USP47: variants seen among roughly 807,000 people sequenced by gnomAD.
The protein encoded by USP47 is ubiquitin carboxyl-terminal hydrolase 47.
Under a neutral mutation model 165.1 loss-of-function variants are expected in USP47, and 35 were observed. The observed-to-expected ratio is 0.21, with a 90% confidence interval of 0.16 to 0.28. The LOEUF is 0.28. Ranked by LOEUF, USP47 falls within the 10% of genes least tolerant of loss-of-function variation. The pLI is 1.00. For synonymous variants in USP47, 531 were observed against 544.5 expected, an observed-to-expected ratio of 0.98 and a Z score of 0.35; for missense variants, 1,277 against 1,607.4, an observed-to-expected ratio of 0.79 and a Z score of 3.52.
At chr11:11,920,539 G>A (rs779787913) in intron 10 of USP47, 45 bp downstream of exon 10, 1 of 1,538,104 alleles carries the variant, frequency 6.5e-7, no homozygotes, top group South Asian at 1.3e-5. Flanking sequence ...ATCCACATTA[G>A]TCAGTCATGG....
At chr11:11,931,963 T>C (rs1172671608) in intron 14 of USP47, among the ~76,000 whole-genome samples, 1 of 152,170 alleles carries the variant, frequency 6.6e-6, no homozygotes, top group East Asian at 1.9e-4. Context: ...CCTCACAAAT[T>C]ATATCAGGCT....
intron 3 of USP47, among the ~76,000 whole-genome samples, chr11:11,887,218 G>T (rs1293681719): frequency 6.6e-6 from 1 of 152,070 alleles, no homozygotes; most frequent in African/African-American, 2.4e-5. Flanking sequence ...TATCAAATTT[G>T]CACATAATAT....
intron 11 of USP47, among the ~76,000 whole-genome samples, chr11:11,927,845 CACTTT>C (rs1854367519): frequency 6.6e-6 from 1 of 152,022 alleles, no homozygotes; most frequent in Non-Finnish European, 1.5e-5. Flanking sequence ...TGGATGAAGG[CACTTT>C]ACTTTCCTTC....
At chr11:11,861,690 A>C (rs1849396195) in intron 1 of USP47, among the ~76,000 whole-genome samples, 1 of 152,132 alleles carries the variant, frequency 6.6e-6, no homozygotes, top group Non-Finnish European at 1.5e-5. Context: ...AATGGAATGC[A>C]TTTACCTGAG....
intron 1 of USP47, among the ~76,000 whole-genome samples, chr11:11,862,967 A>G (rs1204005934): frequency 6.6e-6 from 1 of 152,146 alleles, no homozygotes; most frequent in African/African-American, 2.4e-5. Flanking sequence ...ATCTTTCATC[A>G]TCTACCCCCC....
At chr11:11,902,508 C>T (rs1852294035) in intron 5 of USP47, among the ~76,000 whole-genome samples, 3 of 151,968 alleles carry the variant, frequency 2.0e-5, no homozygotes, top group Admixed American at 2.0e-4. Context: ...CTTGTTATGC[C>T]TTTTCTTGTT....
At chr11:11,912,185 C>A in intron 8 of USP47, among the ~76,000 whole-genome samples, 1 of 150,768 alleles carries the variant, frequency 6.6e-6, no homozygotes, top group Non-Finnish European at 1.5e-5. Context: ...CAAAAGAAAC[C>A]CAAAGCAAGC....
chr11:11,961,197 T>A lies in USP47; in HGVS notation c.*5022T>A, dbSNP rs1052881482. Among the ~76,000 whole-genome samples the A allele has an allele frequency of 6.6e-6, 1 of 152,206 alleles. No homozygotes were observed. Among genetic ancestry groups the A allele is most frequent in the Non-Finnish European group, 1.5e-5 (1 of 68,044 alleles). Reference sequence around the variant, plus strand: ...ACCCTGTATCCTGTGATTATTTACCTGACAGGGCAAAAGAGATTTTGCAGA... The same window carrying A: ...ACCCTGTATCCTGTGATTATTTACCAGACAGGGCAAAAGAGATTTTGCAGA... On this transcript the variant is annotated 3_prime_UTR_variant, in exon 28 of 28. Coordinates refer to ENST00000527733, the MANE Select transcript of USP47 (RefSeq NM_001282659.2).
chr11:11,858,125 T>G (rs1268621104), intron 1 of USP47, among the ~76,000 whole-genome samples: 1 of 152,194 alleles, frequency 6.6e-6, no homozygotes, highest in Non-Finnish European at 1.5e-5. Context: ...ATTAGTGGAG[T>G]GTACTTTCGT....
chr11:11,890,620 G>C (rs1851450998), intron 3 of USP47, among the ~76,000 whole-genome samples: 1 of 152,146 alleles, frequency 6.6e-6, no homozygotes, highest in Non-Finnish European at 1.5e-5. Flanking sequence ...CAAAGACTTA[G>C]AGGCAGAAAT....
chr11:11,960,561 T>G lies in USP47; in HGVS notation c.*4386T>G, dbSNP rs1454307530. Among the ~76,000 whole-genome samples, 2 of 152,152 alleles carry G rather than the reference T, an allele frequency of 1.3e-5. No homozygotes were observed. Among genetic ancestry groups the G allele is most frequent in the Non-Finnish European group, 2.9e-5 (2 of 68,016 alleles). On this transcript the variant is annotated 3_prime_UTR_variant, in exon 28 of 28. Coordinates refer to ENST00000527733, the MANE Select transcript of USP47 (RefSeq NM_001282659.2). ...GTCTCAAAAAGTTCCCCTCAGAAGTTTCAGCCAAGGGAATAAAATCTAACC... is the reference window on the plus strand; with the variant it reads ...GTCTCAAAAAGTTCCCCTCAGAAGTGTCAGCCAAGGGAATAAAATCTAACC...
At chr11:11,950,052 T>G in intron 23 of USP47, 48 bp downstream of exon 23, 1 of 1,343,446 alleles carries the variant, frequency 7.4e-7, no homozygotes, top group South Asian at 1.2e-5. Context: ...GACTATGTGG[T>G]CAGTTGAAAT....
intron 4 of USP47, among the ~76,000 whole-genome samples, chr11:11,893,088 G>GT (rs1208545030): frequency 1.3e-5 from 2 of 151,978 alleles, no homozygotes; most frequent in Admixed American, 1.3e-4. Context: ...TTAAGCCTAT[G>GT]TTTTTTAATT....
intron 1 of USP47, among the ~76,000 whole-genome samples, chr11:11,855,638 C>T (rs906343731): frequency 1.3e-5 from 2 of 152,148 alleles, no homozygotes; most frequent in Non-Finnish European, 2.9e-5. Flanking sequence ...AAATCATGAA[C>T]CTCATTTACA....
chr11:11,952,743 G>T lies in USP47; in HGVS notation c.3586G>T (p.Val1196Leu), dbSNP rs201713726. 6.3e-7 allele frequency: 1 copy of T among 1,597,100 alleles called. No individual in the cohort carries two copies. The highest frequency in any genetic ancestry group is 8.5e-7 in the Non-Finnish European group (1 of 1,171,348). Residue 1196 changes from valine to leucine, a missense_variant and splice_region_variant, in exon 25 of 28, where the codon GTA (valine) becomes TTA (leucine). By Grantham distance (32) the Val-to-Leu change is conservative. Coordinates refer to ENST00000527733, the MANE Select transcript of USP47 (RefSeq NM_001282659.2). The part of the protein sequence containing the change: ...WEVFLEVLDG[V>L]EKMKSMSQLA... ...GACCTAATCTTGCATATTCTTAGGGGTAGAGAAGATGAAGTCCATGTCACA... is the reference window on the plus strand; with the variant it reads ...GACCTAATCTTGCATATTCTTAGGGTTAGAGAAGATGAAGTCCATGTCACA...
At chr11:11,951,376 G>A (rs1359602439) in intron 24 of USP47, 1 of 152,102 alleles carries the variant, frequency 6.6e-6, no homozygotes, top group African/African-American at 2.4e-5. Context: ...CTTTTTGTGG[G>A]GGGCACAATT....
At chr11:11,900,470 A>T (rs1852154677) in intron 5 of USP47, among the ~76,000 whole-genome samples, 1 of 151,850 alleles carries the variant, frequency 6.6e-6, no homozygotes, top group African/African-American at 2.4e-5. Flanking sequence ...TATTTTCTTC[A>T]CTTTTTGCAT....
rs777493032 is a variant in USP47 at position 11,855,097 on chromosome 11, G to GA, written c.39+12886dup. The stretch of plus-strand genomic sequence containing the variant: ...GCGACAGAGCGAGACTCCGTCTCAG[G>GA]AAAAAAAAAAAAAGAAAAGAAAATT... On this transcript the variant is annotated intron_variant, in intron 1 of 27. Coordinates refer to ENST00000527733, the MANE Select transcript of USP47 (RefSeq NM_001282659.2). Among the ~76,000 whole-genome samples the GA allele has an allele frequency of 7.9e-3, 1,063 of 134,878 alleles. 2 individuals are homozygous for GA. The highest frequency in any genetic ancestry group is 0.015 in the African/African-American group (568 of 36,980). The allele number at this position is 134,878 out of a possible 152,430, so 88.5% of individuals were successfully genotyped here.
At chr11:11,890,605 T>C (rs1428661550) in intron 3 of USP47, among the ~76,000 whole-genome samples, 1 of 152,172 alleles carries the variant, frequency 6.6e-6, no homozygotes, top group African/African-American at 2.4e-5. Context: ...AATGTGGTCA[T>C]TCCTCAAAGA....
Sources: allele counts gnomAD v4.1 joint callset (sites outside exome capture counted in the v4.1 genomes callset), GRCh38; gene constraint gnomAD v4.1.1; transcripts MANE v1.5; gene names NCBI Gene and HGNC (gene_info 2026-07-23, HGNC 2026-07-21).